The following PCDHGA1 variants were observed in gnomAD, a reference collection of about 807,000 sequenced individuals.
The protein encoded by PCDHGA1 is protocadherin gamma subfamily A, 1.
A neutral mutation model predicts 58.0 loss-of-function variants in PCDHGA1; 32 were observed. That is an observed-to-expected ratio of 0.55 (90% CI 0.42 to 0.74). The LOEUF (loss-of-function observed/expected upper bound fraction) is 0.74, where lower values mean the gene tolerates loss of function less well. Among genes scored for constraint, PCDHGA1 ranks in the 30% least tolerant of loss-of-function variants. PCDHGA1 has a pLI of 0.00. For synonymous variants in PCDHGA1, 498 were observed against 501.1 expected (o/e 0.99, Z 0.08); for missense variants, 1,205 against 1,182.3 (o/e 1.02, Z -0.28).
chr5:141,361,129 A>T (rs369568903), intron 1 of PCDHGA1: 2 of 1,613,906 alleles, frequency 1.2e-6, no homozygotes, highest in Non-Finnish European at 1.7e-6. Context: ...AGCCCACTGC[A>T]GTATCCAAGT....
chr5:141,512,068 C>T lies in PCDHGA1; in HGVS notation c.*895C>T, dbSNP rs1215311369. 6.6e-6 allele frequency: 1 copy of T among 152,664 alleles called. No individual in the cohort carries two copies. The highest frequency in any genetic ancestry group is 1.5e-5 in the Non-Finnish European group (1 of 68,066). The allele number at this position is 152,664 out of a possible 1,614,324, so 9.5% of individuals were successfully genotyped here. On this transcript the variant is annotated 3_prime_UTR_variant, in exon 4 of 4. Transcript: ENST00000517417. The stretch of plus-strand genomic sequence containing the variant: ...TCCTCAGGGGACTGACAACATCCTC[C>T]AGATTCCAGCCATAAACCAATAACT...
intron 1 of PCDHGA1, among the ~76,000 whole-genome samples, chr5:141,450,829 A>AT (rs373424450): frequency 7.2e-4 from 97 of 135,128 alleles, no homozygotes; most frequent in East Asian, 1.8e-3. Flanking sequence ...TATTATTATT[A>AT]TTTTTTTTTT....
intron 1 of PCDHGA1, among the ~76,000 whole-genome samples, chr5:141,457,920 C>T (rs1340816332): frequency 6.6e-6 from 1 of 150,868 alleles, no homozygotes; most frequent in Non-Finnish European, 1.5e-5. Flanking sequence ...GCCAGTTCTC[C>T]CCAAGGGGCT....
rs1756499069 is a variant in PCDHGA1 at position 141,334,036 on chromosome 5, AAG to A, written c.2421+932_2421+933del. ...GTGTTAACTTTTCAGAAGAAAAAAAAAGTATGGTCGGGGAGTAAGTCCATGCT... is the reference window on the plus strand; with the variant it reads ...GTGTTAACTTTTCAGAAGAAAAAAAATATGGTCGGGGAGTAAGTCCATGCT... On this transcript the variant is annotated intron_variant, in intron 1 of 3. Coordinates refer to ENST00000517417, the MANE Select transcript of PCDHGA1 (RefSeq NM_018912.3). The surrounding 1 kb of genome is among the most constrained non-coding windows in gnomAD (Gnocchi z 4.6). 2 of 152,230 alleles carry A rather than the reference AAG, an allele frequency of 1.3e-5. No individual in the cohort carries two copies. The highest frequency in any genetic ancestry group is 2.4e-5 in the African/African-American group (1 of 41,460). 9.4% of individuals were successfully genotyped at this position (152,230 alleles called of 1,614,324 possible).
intron 1 of PCDHGA1, among the ~76,000 whole-genome samples, chr5:141,455,574 C>T (rs1214642742): frequency 6.6e-6 from 1 of 152,158 alleles, no homozygotes; most frequent in Non-Finnish European, 1.5e-5. Flanking sequence ...CCTCCCACCC[C>T]AGCCTTTTAA....
At position 141,332,640 on chromosome 5, in the gene PCDHGA1, C is replaced by G. The variant is rs751791278; in HGVS notation, c.1956C>G (p.Pro652=). 4.3e-6 allele frequency: 7 copies of G among 1,612,836 alleles called. No homozygotes were observed. The highest frequency in any genetic ancestry group is 5.9e-6 in the Non-Finnish European group (7 of 1,179,798). The change falls in exon 1 of 4, where the codon CCC becomes CCG. Residue 652 remains proline (P), a synonymous_variant. Transcript: ENST00000517417. This position sits in a 1 kb window ranked among gnomAD's most constrained non-coding sequence, Gnocchi z 4.6. ...TGGCCGTCCAGGACCACGGCCAGCC[C>G]CCGCTCTCCGCCACTGTCACGCTCA... is the stretch of plus-strand genomic sequence containing the variant. ...LVVAVQDHGQ[P]PLSATVTLTV... is the part of the protein sequence containing the mutation.
Position 141,491,739 on chromosome 5 carries a change from C to T in PCDHGA1, c.2422-3068C>T. ...CGCCGCCCCGGGCGACCCCTGGGGG[C>T]GGCACTGGAGAAGCCGCCCGTCCTC... On this transcript the variant is annotated intron_variant, in intron 1 of 3. Transcript: ENST00000517417. This position sits in a 1 kb window ranked among gnomAD's most constrained non-coding sequence, Gnocchi z 6.9. The T allele has an allele frequency of 1.3e-6, 2 of 1,599,004 alleles. No individual in the cohort carries two copies. Among genetic ancestry groups the T allele is most frequent in the East Asian group, 2.3e-5 (1 of 44,194 alleles).
At chr5:141,351,671 A>G in intron 1 of PCDHGA1, 1 of 1,613,966 alleles carries the variant, frequency 6.2e-7, no homozygotes, top group Non-Finnish European at 8.5e-7. Context: ...TGCACAAGTA[A>G]GCGCCTCCGA....
chr5:141,475,741 G>C (rs1455125695), intron 1 of PCDHGA1, among the ~76,000 whole-genome samples: 1 of 152,268 alleles, frequency 6.6e-6, no homozygotes, highest in Non-Finnish European at 1.5e-5. Flanking sequence ...CCCTAAGGTA[G>C]GTTTCCTATG....
Position 141,494,815 on chromosome 5 carries a change from G to C in PCDHGA1, c.2430G>C (p.Pro810=). 6.2e-7 allele frequency: 1 copy of C among 1,613,976 alleles called. No individual in the cohort carries two copies. The highest frequency in any genetic ancestry group is 8.5e-7 in the Non-Finnish European group (1 of 1,179,982). Residue 810 remains proline, a synonymous_variant, in exon 2 of 4, where the codon CCG becomes CCC. Transcript: ENST00000517417. Reference sequence around the variant, plus strand: ...CTCTGTTTTCTCCACAGCAAGCCCCGCCCAACACGGACTGGCGTTTCTCTC... The same window carrying C: ...CTCTGTTTTCTCCACAGCAAGCCCCCCCCAACACGGACTGGCGTTTCTCTC... ...DKKEPFSQQA[P]PNTDWRFSQA...
At chr5:141,450,006 CTTT>C (rs1554136305) in intron 1 of PCDHGA1, among the ~76,000 whole-genome samples, 9 of 132,974 alleles carry the variant, frequency 6.8e-5, no homozygotes, top group Admixed American at 7.8e-5. Context: ...TGCCATGTCT[CTTT>C]TTTTTTTTTT....
chr5:141,414,210 T>G (rs1252033650), intron 1 of PCDHGA1: 1 of 1,612,706 alleles, frequency 6.2e-7, no homozygotes, highest in Admixed American at 1.7e-5. Context: ...AAGATGTAAA[T>G]GACAACAGTC....
rs371485149 is a variant in PCDHGA1 at position 141,331,541 on chromosome 5, A to T, written c.857A>T (p.His286Leu). 1.9e-5 allele frequency: 31 copies of T among 1,614,080 alleles called. No homozygotes were observed. The highest frequency in any genetic ancestry group is 2.4e-5 in the Non-Finnish European group (28 of 1,180,062). The change falls in exon 1 of 4, where the codon CAC becomes CTC. Residue 286 changes from histidine to leucine, a missense_variant. Coordinates refer to ENST00000517417, the MANE Select transcript of PCDHGA1 (RefSeq NM_018912.3). Reference protein sequence around the residue: ...EVTYSFHNVDHRVAQIFRLDS... With the variant: ...EVTYSFHNVDLRVAQIFRLDS... ...ACGTACTCCTTTCACAATGTAGACC[A>T]CAGAGTGGCCCAAATATTTCGTTTA...
rs138362456 is a variant in PCDHGA1, at chr5:141,332,631, C to T, written c.1947C>T (p.His649=). The T allele has an allele frequency of 7.1e-5, 114 of 1,612,828 alleles. No individual in the cohort carries two copies. Among genetic ancestry groups the T allele is most frequent in the East Asian group, 2.7e-4 (12 of 44,860 alleles). The part of the protein sequence containing the change: ...KQSLVVAVQD[H]GQPPLSATVT... Reference sequence around the variant, plus strand: ...GTCTCGTGGTGGCCGTCCAGGACCACGGCCAGCCCCCGCTCTCCGCCACTG... The same window carrying T: ...GTCTCGTGGTGGCCGTCCAGGACCATGGCCAGCCCCCGCTCTCCGCCACTG... Residue 649 remains histidine, a synonymous_variant, in exon 1 of 4, where the codon CAC becomes CAT. Transcript: ENST00000517417. This position sits in a 1 kb window ranked among gnomAD's most constrained non-coding sequence, Gnocchi z 4.6.
At chr5:141,340,574 C>T (rs1254379585) in intron 1 of PCDHGA1, 3 of 1,614,084 alleles carry the variant, frequency 1.9e-6, no homozygotes, top group Non-Finnish European at 2.5e-6. Flanking sequence ...GGTGATAGCG[C>T]GGGACAGCGG....
intron 1 of PCDHGA1, among the ~76,000 whole-genome samples, chr5:141,397,541 C>G (rs1385892486): frequency 6.6e-6 from 1 of 152,014 alleles, no homozygotes; most frequent in Non-Finnish European, 1.5e-5. Context: ...TTTTTGAAAT[C>G]AGTATAGTAT....
chr5:141,393,087 C>T (rs1244090890), intron 1 of PCDHGA1: 1 of 1,613,628 alleles, frequency 6.2e-7, no homozygotes, highest in African/African-American at 1.3e-5. Flanking sequence ...CAGGATAGAT[C>T]GGGAGGAGCT....
At chr5:141,496,602 C>A (rs981108050) in intron 2 of PCDHGA1, among the ~76,000 whole-genome samples, 5 of 152,150 alleles carry the variant, frequency 3.3e-5, no homozygotes, top group Admixed American at 1.3e-4. Flanking sequence ...TCTTAGAAGG[C>A]CCCTAAAAAG....
At chr5:141,443,447 C>T (rs1267862519) in intron 1 of PCDHGA1, among the ~76,000 whole-genome samples, 1 of 152,184 alleles carries the variant, frequency 6.6e-6, no homozygotes, top group African/African-American at 2.4e-5. Flanking sequence ...GGTTGCGCTC[C>T]TGTACTCCAG....
Sources: gnomAD v4.1 joint callset for allele counts (sites outside exome capture counted in the v4.1 genomes callset) on GRCh38, gnomAD v4.1.1 for gene constraint, Gnocchi (gnomAD v3.1) non-coding constraint, MANE v1.5 for transcripts, NCBI Gene and HGNC (gene_info 2026-07-23, HGNC 2026-07-21) for gene names.